The following ABCA13 variants were observed in gnomAD, a reference collection of about 807,000 sequenced individuals.
ABCA13 encodes ATP binding cassette subfamily A member 13, also known as ATP-binding cassette sub-family A member 13.
In ABCA13, 476 loss-of-function variants were observed where a neutral mutation model predicts 478.7. The observed-to-expected ratio is 0.99, with a 90% CI of 0.92 to 1.07. The LOEUF (loss-of-function observed/expected upper bound fraction) is 1.07, where lower values mean the gene tolerates loss of function less well. ABCA13 is among the 50% of genes least tolerant of loss of function. The probability of loss-of-function intolerance (pLI) is 0.00; values close to 1 mark genes in which losing one functional copy is unlikely to be tolerated. For synonymous variants in ABCA13, 2,252 were observed against 2,158.9 expected, an observed-to-expected ratio of 1.04 and a Z score of -1.20; for missense variants, 6,060 against 5,910.6, an observed-to-expected ratio of 1.03 and a Z score of -0.83.
At position 48,389,156 on chromosome 7, in the gene ABCA13, A is replaced by G; in HGVS notation, c.11590A>G (p.Thr3864Ala). The G allele has an allele frequency of 6.2e-7, 1 of 1,613,994 alleles. No individual in the cohort carries two copies. The highest frequency in any genetic ancestry group is 8.5e-7 in the Non-Finnish European group (1 of 1,179,874). Residue 3864 changes from threonine to alanine, a missense_variant, in exon 37 of 62, where the codon ACC becomes GCC. Thr to Ala is a moderately conservative substitution (Grantham distance 58). This residue lies in a region of ABCA13 where 1,627 missense variants were observed against 1,571.0 expected (regional missense o/e 1.04). Transcript: ENST00000435803. ...GGCTGTGGTCCAAGACCTCAGCCTG[A>G]CCTTCTACAGAGACCAAATCACCGC... ...HKAVVQDLSLTFYRDQITALL... is the reference protein window; with the variant it reads ...HKAVVQDLSLAFYRDQITALL...
At chr7:48,491,048 A>G (rs982326028) in intron 48 of ABCA13, among the ~76,000 whole-genome samples, 9 of 152,202 alleles carry the variant, frequency 5.9e-5, no homozygotes, top group Admixed American at 2.6e-4. Flanking sequence ...ATTTTAAGAA[A>G]CTAAAATATA....
chr7:48,221,495 C>T (rs2128967875), intron 5 of ABCA13, among the ~76,000 whole-genome samples, 186 bp downstream of exon 5: 1 of 152,308 alleles, frequency 6.6e-6, no homozygotes, highest in Middle Eastern at 3.4e-3. Context: ...TTTGAATTTT[C>T]TGAAGCAAGG....
chr7:48,188,564 C>CTT (rs199553458), intron 1 of ABCA13, among the ~76,000 whole-genome samples: 1 of 150,574 alleles, frequency 6.6e-6, no homozygotes, highest in Non-Finnish European at 1.5e-5. Context: ...ACTTTTTTTT[C>CTT]TTTTTTTTTA....
At chr7:48,211,078 G>A (rs1354833795) in intron 3 of ABCA13, among the ~76,000 whole-genome samples, 2 of 152,148 alleles carry the variant, frequency 1.3e-5, no homozygotes, top group Non-Finnish European at 2.9e-5. Flanking sequence ...CTGTCTGAGA[G>A]GTCACATATC....
intron 3 of ABCA13, among the ~76,000 whole-genome samples, chr7:48,216,200 C>T (rs554483706): frequency 6.6e-6 from 1 of 152,258 alleles, no homozygotes; most frequent in South Asian, 2.1e-4. Flanking sequence ...TACCATTTTG[C>T]TCTCCCATCA....
intron 4 of ABCA13, 44 bp downstream of exon 4, chr7:48,219,549 A>G (rs763619489): frequency 7.6e-6 from 12 of 1,571,404 alleles, no homozygotes; most frequent in Non-Finnish European, 1.0e-5. Flanking sequence ...ACCTGGACAT[A>G]GCTTAAGGAG....
chr7:48,333,680 C>T (rs1805766785), intron 27 of ABCA13, among the ~76,000 whole-genome samples: 2 of 152,166 alleles, frequency 1.3e-5, no homozygotes, highest in African/African-American at 4.8e-5. Context: ...TTATCTGATG[C>T]ATCTGGGACT....
At chr7:48,434,610 C>T (rs1002350674) in intron 42 of ABCA13, among the ~76,000 whole-genome samples, 1 of 151,876 alleles carries the variant, frequency 6.6e-6, no homozygotes, top group Non-Finnish European at 1.5e-5. Context: ...AAGTTTTTTC[C>T]TGTGTTTTCT....
At position 48,208,675 on chromosome 7, in the gene ABCA13, G is replaced by A. The variant is rs570496420; in HGVS notation, c.287+10315G>A. On this transcript the variant is annotated intron_variant, in intron 3 of 61. Coordinates refer to ENST00000435803, the MANE Select transcript of ABCA13 (RefSeq NM_152701.5). ...TAATTTTGTATCCTGCAACTTTACT[G>A]AATTTGTTTATCAGTTCTAATAGTT... 2.0e-5 allele frequency among the ~76,000 whole-genome samples: 3 copies of A among 152,078 alleles called. No homozygotes were observed. The South Asian group carries it at 6.2e-4, about 32-fold the overall frequency.
intron 38 of ABCA13, among the ~76,000 whole-genome samples, chr7:48,399,076 G>A (rs922351155): frequency 2.6e-5 from 4 of 152,130 alleles, no homozygotes; most frequent in Non-Finnish European, 5.9e-5. Flanking sequence ...GGGAATGAAG[G>A]TCTTATTAGA....
intron 3 of ABCA13, among the ~76,000 whole-genome samples, chr7:48,204,302 C>T (rs920962520): frequency 1.3e-4 from 19 of 151,818 alleles, no homozygotes; most frequent in Admixed American, 4.6e-4. Context: ...CTCCGCCTCC[C>T]GGGTTCAAGC....
intron 40 of ABCA13, 29 bp from the exon 41 acceptor site, chr7:48,412,324 G>A (rs752200005): frequency 1.3e-6 from 2 of 1,551,924 alleles, no homozygotes; most frequent in Non-Finnish European, 1.8e-6. Flanking sequence ...TTCCTTACTG[G>A]CTTCTTTTTT....
chr7:48,499,768 T>A (rs370300209), intron 48 of ABCA13, among the ~76,000 whole-genome samples: 13 of 152,180 alleles, frequency 8.5e-5, no homozygotes, highest in African/African-American at 2.9e-4. Flanking sequence ...AGTGAGATTC[T>A]TCTACTCAAT....
chr7:48,347,655 A>G (rs1808320013), intron 29 of ABCA13, among the ~76,000 whole-genome samples: 1 of 152,136 alleles, frequency 6.6e-6, no homozygotes, highest in South Asian at 2.1e-4. Flanking sequence ...TGAGTGTTTC[A>G]TTTTGGTTAG....
chr7:48,391,994 C>A lies in ABCA13; in HGVS notation c.11728C>A (p.Leu3910Met), dbSNP rs1816138295. 2 of 1,613,870 alleles carry A rather than the reference C, an allele frequency of 1.2e-6. No homozygotes were observed. Among genetic ancestry groups the A allele is most frequent in the Non-Finnish European group, 1.7e-6 (2 of 1,179,892 alleles). The stretch of plus-strand genomic sequence containing the variant: ...CAATGGCAAGAACCTACAGACAGAC[C>A]TGTCGAGGGTCAGAATGGAGCTTGG... Reference protein sequence around the residue: ...IINGKNLQTDLSRVRMELGVC... With the variant: ...IINGKNLQTDMSRVRMELGVC... Residue 3910 changes from leucine to methionine, a missense_variant, in exon 38 of 62, where the codon CTG becomes ATG. Transcript: ENST00000435803.
At chr7:48,645,247 C>G in intron 61 of ABCA13, among the ~76,000 whole-genome samples, 170 bp from the exon 62 acceptor site, 1 of 151,938 alleles carries the variant, frequency 6.6e-6, no homozygotes, top group Admixed American at 6.5e-5. Context: ...AGAGTTGTGT[C>G]CTCAATGGAT....
At chr7:48,533,444 T>A (rs1285666311) in intron 55 of ABCA13, among the ~76,000 whole-genome samples, 2 of 152,148 alleles carry the variant, frequency 1.3e-5, no homozygotes, top group Non-Finnish European at 1.5e-5. Flanking sequence ...GAATGTTCCA[T>A]GTGCTAATGA....
intron 55 of ABCA13, among the ~76,000 whole-genome samples, chr7:48,544,662 A>G (rs1279918778): frequency 1.3e-5 from 2 of 151,720 alleles, no homozygotes; most frequent in Non-Finnish European, 2.9e-5. Context: ...TTTCATTTCT[A>G]TCTTTTGTAA....
At chr7:48,392,188 A>G (rs780057964) in intron 38 of ABCA13, 49 bp downstream of exon 38, 1 of 1,531,830 alleles carries the variant, frequency 6.5e-7, no homozygotes, top group African/African-American at 1.4e-5. Flanking sequence ...CCCATTGTGT[A>G]AGGAAGTGAA....
Sources: gnomAD v4.1 joint callset for allele counts (sites outside exome capture counted in the v4.1 genomes callset) on GRCh38, gnomAD v4.1.1 for gene constraint, gnomAD v4.1.1 regional missense constraint, MANE v1.5 for transcripts, NCBI Gene and HGNC (gene_info 2026-07-23, HGNC 2026-07-21) for gene names.